The following CEP250 variants were observed in gnomAD, a reference collection of about 807,000 sequenced individuals.
CEP250 encodes the protein centrosomal protein 250.
In CEP250, 242 loss-of-function variants were observed where a neutral mutation model predicts 315.7. The ratio of observed to expected loss-of-function variants is 0.77; its 90% confidence interval spans 0.69 to 0.85. The LOEUF is 0.85. Ranked by LOEUF, CEP250 falls within the 40% of genes least tolerant of loss-of-function variation. The pLI, the probability that CEP250 is intolerant of heterozygous loss-of-function variation, is 0.00. For missense variants in CEP250, 2,515 were observed against 2,886.4 expected (o/e 0.87, Z 2.95); for synonymous variants, 1,088 against 1,175.0 (o/e 0.93, Z 1.51).
chr20:35,483,335 A>AT lies in CEP250; in HGVS notation c.2586+3201dup, dbSNP rs1253884293. ...AACTCCGTCTCAAAAAAAAAAAAAA[A>AT]TTTTTTTTTTTAAATTTATTTTATT... On this transcript the variant is annotated intron_variant, in intron 20 of 34. Transcript: ENST00000397527. Among the ~76,000 whole-genome samples, 150 of 135,418 alleles carry AT rather than the reference A, an allele frequency of 1.1e-3. 15 individuals are homozygous for AT. The highest frequency in any genetic ancestry group is 3.5e-3 in the Middle Eastern group (1 of 284). The allele number at this position is 135,418 out of a possible 152,430, so 88.8% of individuals were successfully genotyped here.
intron 20 of CEP250, among the ~76,000 whole-genome samples, chr20:35,488,505 G>A (rs1220053548): frequency 2.0e-5 from 3 of 152,000 alleles, no homozygotes; most frequent in Admixed American, 6.6e-5. Context: ...CCAGGCTGGA[G>A]TGCAGTGGCG....
At chr20:35,473,753 C>T (rs224361) in intron 13 of CEP250, 117 bp from the exon 14 acceptor site, 791,541 of 1,101,406 alleles carry the variant, frequency 0.72, 293,198 homozygotes, top group Non-Finnish European at 0.77. Context: ...AAAAAAGTTT[C>T]GCACTAGAAA....
At chr20:35,507,158 A>G (rs2064209880) in intron 30 of CEP250, among the ~76,000 whole-genome samples, 1 of 152,082 alleles carries the variant, frequency 6.6e-6, no homozygotes, top group South Asian at 2.1e-4. Context: ...ACCTGCGTAC[A>G]CTTGTTTTCT....
intron 17 of CEP250, 28 bp from the exon 18 acceptor site, chr20:35,479,203 C>G: frequency 6.2e-7 from 1 of 1,605,382 alleles, no homozygotes; most frequent in South Asian, 1.1e-5. Flanking sequence ...AGCCTCTGCT[C>G]CATCTCTCAC....
chr20:35,492,449 C>T (rs1012373834), intron 22 of CEP250, among the ~76,000 whole-genome samples: 5 of 151,808 alleles, frequency 3.3e-5, no homozygotes, highest in South Asian at 2.1e-4. Context: ...ACACAGTATA[C>T]GTTAAATGAG....
In CEP250 at chr20:35,462,425, C is replaced by T. The variant is rs1391330529; in HGVS notation, c.58C>T (p.Leu20=). The T allele has an allele frequency of 1.2e-6, 2 of 1,602,506 alleles. No individual in the cohort carries two copies. Among genetic ancestry groups the T allele is most frequent in the Non-Finnish European group, 1.7e-6 (2 of 1,174,340 alleles). The part of the protein sequence containing the change: ...NMKPQSLQLV[L]EEQVLALQQQ... ...GAAGCCCCAGTCACTGCAGCTGGTA[C>T]TGGAAGAGCAGGTGCTGGCACTACA... Residue 20 remains leucine, a synonymous_variant, in exon 4 of 35, where the codon CTG becomes TTG. Coordinates refer to ENST00000397527, the MANE Select transcript of CEP250 (RefSeq NM_007186.6).
Position 35,491,346 on chromosome 20 carries a change from G to T in CEP250, c.2889G>T (p.Gln963His). The T allele has an allele frequency of 6.3e-7, 1 of 1,585,126 alleles. No individual in the cohort carries two copies. Among genetic ancestry groups the T allele is most frequent in the East Asian group, 2.3e-5 (1 of 43,096 alleles). ...QDMKVQKLKE[Q>H]ETTGILQTQL... ...TGAAAGTCCAGAAATTAAAGGAGCA[G>T]GTATGGAGGGTGGTCTCGGGAGTAG... is the stretch of plus-strand genomic sequence containing the variant. The change falls in exon 22 of 35, where the codon CAG becomes CAT. Residue 963 changes from glutamine to histidine, a missense_variant and splice_region_variant. Transcript: ENST00000397527.
At chr20:35,485,552 A>G (rs187932003) in intron 20 of CEP250, among the ~76,000 whole-genome samples, 5 of 149,420 alleles carry the variant, frequency 3.3e-5, no homozygotes, top group Admixed American at 2.0e-4. Flanking sequence ...GTATAGTGGC[A>G]CAATCATAGC....
intron 27 of CEP250, 67 bp from the exon 28 acceptor site, chr20:35,499,982 G>C: frequency 1.3e-6 from 2 of 1,599,680 alleles, no homozygotes; most frequent in Non-Finnish European, 1.7e-6. Context: ...TGAGGAGAGA[G>C]CTTGAGCCCT....
intron 23 of CEP250, 71 bp from the exon 24 acceptor site, chr20:35,494,453 C>T: frequency 6.3e-7 from 1 of 1,595,546 alleles, no homozygotes; most frequent in Non-Finnish European, 8.5e-7. Flanking sequence ...ACCCTGAAGC[C>T]CTAGGTGAGG....
In CEP250 at chr20:35,497,974, G is replaced by C. The variant is rs1174667045; in HGVS notation, c.3562G>C (p.Ala1188Pro). 6.2e-7 allele frequency: 1 copy of C among 1,613,398 alleles called. No individual in the cohort carries two copies. The highest frequency in any genetic ancestry group is 1.3e-5 in the African/African-American group (1 of 74,934). ...GGCCCAGCTGGCCAGCCTCTACTCTGCCCTGCAGCAGGCCCTGGGGTCTGT... is the reference window on the plus strand; with the variant it reads ...GGCCCAGCTGGCCAGCCTCTACTCTCCCCTGCAGCAGGCCCTGGGGTCTGT... ...AQAQLASLYS[A>P]LQQALGSVCE... Residue 1188 changes from alanine (A) to proline (P), a missense_variant, in exon 26 of 35, where the codon GCC (alanine) becomes CCC (proline). Physicochemically the swap from Ala to Pro is conservative, Grantham distance 27. Transcript: ENST00000397527.
At chr20:35,481,777 A>C (rs1466937195) in intron 20 of CEP250, among the ~76,000 whole-genome samples, 1 of 152,134 alleles carries the variant, frequency 6.6e-6, no homozygotes, top group Non-Finnish European at 1.5e-5. Context: ...ATCATGGCCT[A>C]CTGCAGCCTT....
At position 35,513,388 on chromosome 20, in the gene CEP250, A is replaced by G. The variant is rs1378071414; in HGVS notation, c.*1762A>G. 1 of 151,566 alleles carries G rather than the reference A, an allele frequency of 6.6e-6. No homozygotes were observed. The highest frequency in any genetic ancestry group is 1.5e-5 in the Non-Finnish European group (1 of 67,972). 9.4% of individuals were successfully genotyped at this position (151,566 alleles called of 1,614,324 possible). A position where few individuals can be genotyped will look rare whatever the true frequency, so the allele number is the denominator to read the frequency against. On this transcript the variant is annotated 3_prime_UTR_variant, in exon 35 of 35. Coordinates refer to ENST00000397527, the MANE Select transcript of CEP250 (RefSeq NM_007186.6). ...ATTCTCCTGCCTCGGCCTCCTGTGT[A>G]TCTGGGATTATAGACACGTGCCACC...
chr20:35,496,522 G>T (rs2063837466), intron 24 of CEP250, 55 bp from the exon 25 acceptor site: 37 of 1,501,420 alleles, frequency 2.5e-5, no homozygotes, highest in Non-Finnish European at 3.4e-5. Flanking sequence ...AGATGAGAAG[G>T]TAATTTTTCA....
intron 33 of CEP250, among the ~76,000 whole-genome samples, chr20:35,509,583 C>T (rs917412728): frequency 2.0e-5 from 3 of 152,124 alleles, no homozygotes; most frequent in East Asian, 1.9e-4. Context: ...GACAGGGAGG[C>T]GCTGTTTATG....
At chr20:35,491,077 C>T in intron 21 of CEP250, 135 bp from the exon 22 acceptor site, 1 of 1,112,494 alleles carries the variant, frequency 9.0e-7, no homozygotes, top group Non-Finnish European at 1.3e-6. Context: ...AACCCATGGG[C>T]TCAGACCTTC....
intron 17 of CEP250, among the ~76,000 whole-genome samples, 175 bp downstream of exon 17, chr20:35,478,276 C>T (rs1358491867): frequency 6.6e-6 from 1 of 152,118 alleles, no homozygotes; most frequent in Non-Finnish European, 1.5e-5. Flanking sequence ...TATAACAATT[C>T]TTCACTGAGG....
At chr20:35,464,770 A>G (rs1307526979) in intron 5 of CEP250, among the ~76,000 whole-genome samples, 1 of 151,996 alleles carries the variant, frequency 6.6e-6, no homozygotes, top group Non-Finnish European at 1.5e-5. Flanking sequence ...AAAATACAAA[A>G]AATTAGCCGG....
At position 35,503,458 on chromosome 20, in the gene CEP250, C is replaced by T. The variant is rs200384192; in HGVS notation, c.5089C>T (p.Arg1697Trp). Residue 1697 changes from arginine (R) to tryptophan (W), a missense_variant, in exon 30 of 35, where the codon CGG becomes TGG. Transcript: ENST00000397527. This position sits in a 1 kb window ranked among gnomAD's most constrained non-coding sequence, Gnocchi z 4.2. ...CAAGCTGTCCTTGAGAGAGCGAGGC[C>T]GGGAGCTGACCACTCAGAGGCAGCT... is the stretch of plus-strand genomic sequence containing the variant. ...QIKLSLRERG[R>W]ELTTQRQLMQ... is the part of the protein sequence containing the mutation. The T allele has an allele frequency of 3.5e-5, 56 of 1,613,996 alleles. No homozygotes were observed. The highest frequency in any genetic ancestry group is 2.9e-4 in the East Asian group (13 of 44,870).
Sources: allele counts gnomAD v4.1 joint callset (sites outside exome capture counted in the v4.1 genomes callset), GRCh38; gene constraint gnomAD v4.1.1; non-coding constraint Gnocchi (gnomAD v3.1); transcripts MANE v1.5; gene names NCBI Gene and HGNC (gene_info 2026-07-23, HGNC 2026-07-21).